Variants in SMYD5 observed in about 807,000 individuals in gnomAD.
The protein encoded by SMYD5 is protein-lysine N-trimethyltransferase SMYD5.
SMYD5 carries 35 observed loss-of-function variants against 57.4 expected under a neutral mutation model. That is an observed-to-expected ratio of 0.61 (90% CI 0.47 to 0.81). The LOEUF (loss-of-function observed/expected upper bound fraction) is 0.81, where lower values mean the gene tolerates loss of function less well. SMYD5 is among the 30% of genes least tolerant of loss of function. SMYD5 has a pLI of 0.00. For missense variants in SMYD5, 471 were observed against 527.9 expected (o/e 0.89, Z 1.06); for synonymous variants, 198 against 189.7 (o/e 1.04, Z -0.36).
At chr2:73,219,022 T>C (rs1686338403) in intron 2 of SMYD5, 53 bp downstream of exon 2, 1 of 1,297,450 alleles carries the variant, frequency 7.7e-7, no homozygotes, top group Non-Finnish European at 1.1e-6. Flanking sequence ...TGCATGGAAG[T>C]GAGCTGCATA....
chr2:73,225,581 T>C lies in SMYD5; in HGVS notation c.1036-50T>C, dbSNP rs200735000. On this transcript the variant is annotated intron_variant, in intron 11 of 12. Transcript: ENST00000389501. ...AGGGTAGCTGTTGGGGAGGTCCTTA[T>C]GCCATTTAAAAGAGCACAGACCATC... The C allele has an allele frequency of 7.7e-6, 12 of 1,550,228 alleles. 1 individual carries two copies. Among genetic ancestry groups the C allele is most frequent in the East Asian group, 4.5e-5 (2 of 44,526 alleles).
At chr2:73,217,825 G>A (rs1296725244) in intron 1 of SMYD5, among the ~76,000 whole-genome samples, 1 of 152,202 alleles carries the variant, frequency 6.6e-6, no homozygotes, top group Admixed American at 6.5e-5. Context: ...AGTAGTGGGA[G>A]TATGTGCCCA....
rs757882947 is a variant in SMYD5 at position 73,225,649 on chromosome 2, T to A, written c.1054T>A (p.Leu352Met). 1.2e-6 allele frequency: 2 copies of A among 1,614,084 alleles called. No homozygotes were observed. The highest frequency in any genetic ancestry group is 1.7e-6 in the Non-Finnish European group (2 of 1,180,036). ...CCTACAGGAAATTTGTATCAGCTACTTGGACTGCTGTCAGCGGGAGCGCAG... is the reference window on the plus strand; with the variant it reads ...CCTACAGGAAATTTGTATCAGCTACATGGACTGCTGTCAGCGGGAGCGCAG... ...KPGEEICISY[L>M]DCCQRERSRH... Residue 352 changes from leucine to methionine, a missense_variant, in exon 12 of 13, where the codon TTG (leucine) becomes ATG (methionine). Physicochemically the swap from Leu to Met is conservative, Grantham distance 15. Coordinates refer to ENST00000389501, the MANE Select transcript of SMYD5 (RefSeq NM_006062.3).
At chr2:73,222,853 G>A (rs74807151) in intron 7 of SMYD5, 36 bp downstream of exon 7, 89,376 of 1,598,838 alleles carry the variant, frequency 0.056, 2,872 homozygotes, top group Non-Finnish European at 0.065. Context: ...TGGCCTCCTT[G>A]TTACTCCAGC....
intron 11 of SMYD5, 62 bp downstream of exon 11, chr2:73,225,022 G>A (rs1161637505): frequency 4.6e-6 from 6 of 1,292,602 alleles, no homozygotes; most frequent in Non-Finnish European, 6.7e-6. Flanking sequence ...TCTCTGCAGG[G>A]ATCAGGAGCA....
chr2:73,218,771 G>T (rs1478813847), intron 1 of SMYD5, 90 bp from the exon 2 acceptor site: 3 of 882,762 alleles, frequency 3.4e-6, no homozygotes, highest in South Asian at 2.8e-5. Flanking sequence ...AGTGAGGCAT[G>T]TGGGAGTGAG....
chr2:73,218,944 C>T lies in SMYD5; in HGVS notation c.180C>T (p.Leu60=). The T allele has an allele frequency of 6.2e-7, 1 of 1,613,872 alleles. No homozygotes were observed. Among genetic ancestry groups the T allele is most frequent in the East Asian group, 2.2e-5 (1 of 44,884 alleles). Residue 60 remains leucine, a synonymous_variant, in exon 2 of 13, where the codon CTC becomes CTT. Coordinates refer to ENST00000389501, the MANE Select transcript of SMYD5 (RefSeq NM_006062.3). Reference sequence around the variant, plus strand: ...GGCCCCTGGTGGCTGCACAGTTTCTCTGGAATGCACTTTATCGCTACCGAG... The same window carrying T: ...GGCCCCTGGTGGCTGCACAGTTTCTTTGGAATGCACTTTATCGCTACCGAG... ...VERPLVAAQF[L]WNALYRYRAC...
rs1172811573 is a variant in SMYD5, at chr2:73,223,448, G to T, written c.799G>T (p.Ala267Ser). ...GTSSLSQWVH[A>S]CDTLELKPQD... is the part of the protein sequence containing the mutation. The stretch of plus-strand genomic sequence containing the variant: ...CAGCTCCCTAAGCCAGTGGGTCCAT[G>T]CCTGTGACACTCTGGAGTTGAAGCC... The change falls in exon 9 of 13, where the codon GCC (alanine) becomes TCC (serine). Residue 267 changes from alanine to serine, a missense_variant. Coordinates refer to ENST00000389501, the MANE Select transcript of SMYD5 (RefSeq NM_006062.3). 15 of 1,613,888 alleles carry T rather than the reference G, an allele frequency of 9.3e-6. No individual in the cohort carries two copies. The highest frequency in any genetic ancestry group is 1.3e-5 in the Non-Finnish European group (15 of 1,179,886).
intron 11 of SMYD5, 148 bp from the exon 12 acceptor site, chr2:73,225,483 A>T: frequency 1.4e-6 from 1 of 727,566 alleles, no homozygotes; most frequent in South Asian, 1.7e-5. Context: ...TGGGAACTGG[A>T]TGAGGGCAGC....
intron 1 of SMYD5, among the ~76,000 whole-genome samples, chr2:73,217,691 A>G (rs1013150928): frequency 1.3e-5 from 2 of 152,156 alleles, no homozygotes; most frequent in South Asian, 2.1e-4. Flanking sequence ...CTGGCCTTCT[A>G]AGGAGGCAGG....
At chr2:73,214,734 C>G in intron 1 of SMYD5, 2 of 1,335,164 alleles carry the variant, frequency 1.5e-6, no homozygotes, top group Non-Finnish European at 2.0e-6. Context: ...TCACGAACTT[C>G]ATGTGTGAGA....
Position 73,223,938 on chromosome 2 carries a change from G to A in SMYD5, c.884-9G>A. The A allele has an allele frequency of 1.9e-6, 3 of 1,613,482 alleles. No individual in the cohort carries two copies. The highest frequency in any genetic ancestry group is 2.5e-6 in the Non-Finnish European group (3 of 1,179,402). On this transcript the variant is annotated splice_polypyrimidine_tract_variant and intron_variant, in intron 9 of 12. Coordinates refer to ENST00000389501, the MANE Select transcript of SMYD5 (RefSeq NM_006062.3). ...GGTAGAATAATGTGTGTGTATTACTGTCTTACAGCAACTGGAGAGTTTCTT... is the reference window on the plus strand; with the variant it reads ...GGTAGAATAATGTGTGTGTATTACTATCTTACAGCAACTGGAGAGTTTCTT...
chr2:73,223,570 C>T (rs767935581), intron 9 of SMYD5, 38 bp downstream of exon 9: 28 of 1,366,674 alleles, frequency 2.0e-5, no homozygotes, highest in Non-Finnish European at 2.5e-5. Context: ...CCAGCCATGG[C>T]GACCCCCCCA....
chr2:73,225,459 C>T, intron 11 of SMYD5, 172 bp from the exon 12 acceptor site: 2 of 689,066 alleles, frequency 2.9e-6, no homozygotes, highest in Non-Finnish European at 5.3e-6. Context: ...TAGTGGCCTG[C>T]CTACTGAAGG....
chr2:73,220,866 TA>T, intron 4 of SMYD5, 84 bp downstream of exon 4: 3 of 1,490,368 alleles, frequency 2.0e-6, no homozygotes, highest in Non-Finnish European at 1.8e-6. Flanking sequence ...CCGTCTTTCT[TA>T]AGTTCCAATT....
At chr2:73,222,203 G>A (rs572122413) in intron 6 of SMYD5, among the ~76,000 whole-genome samples, 1 of 152,338 alleles carries the variant, frequency 6.6e-6, no homozygotes, top group East Asian at 1.9e-4. Flanking sequence ...TAGAAGGCAG[G>A]ACTCGTCATA....
chr2:73,221,491 G>A (rs1027267158), intron 5 of SMYD5, among the ~76,000 whole-genome samples: 1 of 144,570 alleles, frequency 6.9e-6, no homozygotes, highest in Non-Finnish European at 1.5e-5. Context: ...TGTAGTTTCT[G>A]ATATAGAAGA....
intron 1 of SMYD5, among the ~76,000 whole-genome samples, chr2:73,218,434 G>C (rs1276917753): frequency 2.5e-4 from 38 of 152,204 alleles, no homozygotes; most frequent in Non-Finnish European, 5.9e-5. Context: ...GGATTTCTCT[G>C]CAACCCTGTG....
intron 7 of SMYD5, 74 bp downstream of exon 7, chr2:73,222,891 C>T (rs1010731195): frequency 1.1e-5 from 17 of 1,533,020 alleles, no homozygotes; most frequent in Non-Finnish European, 1.5e-5. Context: ...GTCATCATCT[C>T]CTACTGGGAC....
Sources: gnomAD v4.1 joint callset for allele counts (sites outside exome capture counted in the v4.1 genomes callset) on GRCh38, gnomAD v4.1.1 for gene constraint, MANE v1.5 for transcripts, NCBI Gene and HGNC (gene_info 2026-07-23, HGNC 2026-07-21) for gene names.